The following CRYBA2 variants were observed in gnomAD, a reference collection of about 807,000 sequenced individuals.
The protein encoded by CRYBA2 is beta-crystallin A2.
In CRYBA2, 17 loss-of-function variants were observed where a neutral mutation model predicts 18.5. The ratio of observed to expected loss-of-function variants is 0.92; its 90% CI spans 0.63 to 1.38. The LOEUF is 1.38. Among genes scored for constraint, CRYBA2 ranks in the 40% most tolerant of loss-of-function variants. CRYBA2 has a pLI of 0.00. For missense variants in CRYBA2, 271 were observed against 265.0 expected (o/e 1.02, Z -0.16); for synonymous variants, 101 against 106.2 (o/e 0.95, Z 0.30).
chr2:218,992,232 A>C lies in CRYBA2; in HGVS notation c.173T>G (p.Phe58Cys), dbSNP rs747220266. Reference sequence around the variant, plus strand: ...CTGTCCCTGGAAGTCGGGGTACTCAAAGGCCACCCAACTGGAAAAGGAGAA... The same window carrying C: ...CTGTCCCTGGAAGTCGGGGTACTCACAGGCCACCCAACTGGAAAAGGAGAA... ...VKVENGVWVA[F>C]EYPDFQGQQF... The change falls in exon 2 of 4, where the codon TTT (phenylalanine) becomes TGT (cysteine). Residue 58 changes from phenylalanine (F) to cysteine (C), a missense_variant. Coordinates refer to ENST00000295728, the MANE Select transcript of CRYBA2 (RefSeq NM_057093.2). 3.1e-6 allele frequency: 5 copies of C among 1,613,304 alleles called. No individual in the cohort carries two copies. Among genetic ancestry groups the C allele is most frequent in the Non-Finnish European group, 4.2e-6 (5 of 1,179,922 alleles).
chr2:218,992,849 C>T (rs897139206), intron 1 of CRYBA2, among the ~76,000 whole-genome samples, 167 bp downstream of exon 1: 2 of 152,150 alleles, frequency 1.3e-5, no homozygotes, highest in African/African-American at 4.8e-5. Context: ...ACACAGTTTC[C>T]CATGATTTAT....
At position 218,993,388 on chromosome 2, in the gene CRYBA2, G is replaced by A; in HGVS notation, c.-212C>T. The A allele has an allele frequency of 1.8e-6, 1 of 552,892 alleles. No individual in the cohort carries two copies. Among genetic ancestry groups the A allele is most frequent in the South Asian group, 2.5e-5 (1 of 40,174 alleles). 34.2% of individuals were successfully genotyped at this position (552,892 alleles called of 1,614,324 possible). On this transcript the variant is annotated 5_prime_UTR_variant, in exon 1 of 4. Coordinates refer to ENST00000295728, the MANE Select transcript of CRYBA2 (RefSeq NM_057093.2). The surrounding 1 kb of genome is among the most constrained non-coding windows in gnomAD (Gnocchi z 7.7). The stretch of plus-strand genomic sequence containing the variant: ...GAGGGCATTCACCGGGTGGGTGAGC[G>A]CGGCACGCGAGGGAAATGGACCGGC...
Position 218,990,389 on chromosome 2 carries a change from A to G in CRYBA2, c.457T>C (p.Tyr153His), listed in dbSNP as rs375552220. ...LKVSSGAWVAYQYPGYRGYQY... is the reference protein window; with the variant it reads ...LKVSSGAWVAHQYPGYRGYQY... The stretch of plus-strand genomic sequence containing the variant: ...TAGCCTCGGTAGCCTGGGTACTGGT[A>G]GGCCACCCACCTAGGCCAGTGAGGG... The change falls in exon 4 of 4, where the codon TAC becomes CAC. Residue 153 changes from tyrosine to histidine, a missense_variant. Physicochemically the swap from Tyr to His is moderately conservative, Grantham distance 83 (BLOSUM62 2). Coordinates refer to ENST00000295728, the MANE Select transcript of CRYBA2 (RefSeq NM_057093.2). 46 of 1,614,008 alleles carry G rather than the reference A, an allele frequency of 2.9e-5. No homozygotes were observed. In the East Asian group the frequency reaches 9.1e-4, roughly 32 times the overall value.
intron 2 of CRYBA2, 73 bp from the exon 3 acceptor site, chr2:218,991,067 T>G: frequency 1.9e-6 from 3 of 1,570,982 alleles, no homozygotes; most frequent in Non-Finnish European, 2.6e-6. Flanking sequence ...TCTGCCTCAC[T>G]TCCCCCACCC....
intron 2 of CRYBA2, chr2:218,991,812 A>AG: frequency 2.4e-6 from 1 of 410,058 alleles, no homozygotes; most frequent in East Asian, 4.5e-5. Flanking sequence ...GTGACGACAG[A>AG]GGCACTCACT....
Position 218,990,419 on chromosome 2 carries a change from G to A in CRYBA2, c.447-20C>T. On this transcript the variant is annotated intron_variant, in intron 3 of 3. Coordinates refer to ENST00000295728, the MANE Select transcript of CRYBA2 (RefSeq NM_057093.2). Reference sequence around the variant, plus strand: ...ACCCACCTAGGCCAGTGAGGGTACAGAGGCAGGGAGTAAGCTCTGCCCCCA... The same window carrying A: ...ACCCACCTAGGCCAGTGAGGGTACAAAGGCAGGGAGTAAGCTCTGCCCCCA... The A allele has an allele frequency of 1.2e-6, 2 of 1,613,548 alleles. No individual in the cohort carries two copies. Among genetic ancestry groups the A allele is most frequent in the Non-Finnish European group, 1.7e-6 (2 of 1,179,886 alleles).
Position 218,993,308 on chromosome 2 carries a change from C to T in CRYBA2, c.-132G>A, listed in dbSNP as rs778770903. On this transcript the variant is annotated 5_prime_UTR_variant, in exon 1 of 4. Transcript: ENST00000295728. This position sits in a 1 kb window ranked among gnomAD's most constrained non-coding sequence, Gnocchi z 7.7. The stretch of plus-strand genomic sequence containing the variant: ...GCTGGACCCGGCCTAGCTCTGGACC[C>T]GGCTGCCAGGGGCTCGCAGTCTTCC... 5.6e-6 allele frequency: 5 copies of T among 885,222 alleles called. No homozygotes were observed. In the East Asian group the frequency reaches 8.5e-5, roughly 15 times the overall value. 54.8% of individuals were successfully genotyped at this position (885,222 alleles called of 1,614,324 possible).
intron 3 of CRYBA2, 120 bp from the exon 4 acceptor site, chr2:218,990,519 A>G: frequency 7.8e-7 from 1 of 1,274,304 alleles, no homozygotes; most frequent in Middle Eastern, 2.6e-4. Flanking sequence ...CATTGCTTCA[A>G]CTTTCCCTCC....
chr2:218,990,883 C>A lies in CRYBA2; in HGVS notation c.415G>T (p.Asp139Tyr), dbSNP rs1945489053. 1 of 1,614,152 alleles carries A rather than the reference C, an allele frequency of 6.2e-7. No individual in the cohort carries two copies. Among genetic ancestry groups the A allele is most frequent in the East Asian group, 2.2e-5 (1 of 44,878 alleles). ...SLPSMGWASKDVGSLKVSSGA... is the reference protein window; with the variant it reads ...SLPSMGWASKYVGSLKVSSGA... ...GAGCTGACTTTGAGGGAACCCACAT[C>A]CTTGCTGGCCCAGCCCATGGAGGGC... The change falls in exon 3 of 4, where the codon GAT becomes TAT. Residue 139 changes from aspartate (D) to tyrosine (Y), a missense_variant. Coordinates refer to ENST00000295728, the MANE Select transcript of CRYBA2 (RefSeq NM_057093.2).
At position 218,990,408 on chromosome 2, in the gene CRYBA2, G is replaced by T. The variant is rs1045829512; in HGVS notation, c.447-9C>A. On this transcript the variant is annotated splice_polypyrimidine_tract_variant and intron_variant, in intron 3 of 3. Coordinates refer to ENST00000295728, the MANE Select transcript of CRYBA2 (RefSeq NM_057093.2). Reference sequence around the variant, plus strand: ...ACTGGTAGGCCACCCACCTAGGCCAGTGAGGGTACAGAGGCAGGGAGTAAG... The same window carrying T: ...ACTGGTAGGCCACCCACCTAGGCCATTGAGGGTACAGAGGCAGGGAGTAAG... 2 of 1,613,926 alleles carry T rather than the reference G, an allele frequency of 1.2e-6. No homozygotes were observed. Among genetic ancestry groups the T allele is most frequent in the Non-Finnish European group, 1.7e-6 (2 of 1,179,976 alleles).
chr2:218,993,367 G>A lies in CRYBA2; in HGVS notation c.-191C>T. On this transcript the variant is annotated 5_prime_UTR_variant, in exon 1 of 4. Transcript: ENST00000295728. This position sits in a 1 kb window ranked among gnomAD's most constrained non-coding sequence, Gnocchi z 7.7. ...CCTCCCTTCCCCACCCCAGCAGAGG[G>A]CATTCACCGGGTGGGTGAGCGCGGC... 3.5e-6 allele frequency: 2 copies of A among 577,168 alleles called. No individual in the cohort carries two copies. Among genetic ancestry groups the A allele is most frequent in the Non-Finnish European group, 6.0e-6 (2 of 335,256 alleles). The allele number at this position is 577,168 out of a possible 1,614,324, so 35.8% of individuals were successfully genotyped here. A position where few individuals can be genotyped will look rare whatever the true frequency, so the allele number is the denominator to read the frequency against.
Position 218,993,155 on chromosome 2 carries a change from C to G in CRYBA2, c.22G>C (p.Gly8Arg), listed in dbSNP as rs759169595. 1.9e-6 allele frequency: 3 copies of G among 1,605,628 alleles called. No homozygotes were observed. The highest frequency in any genetic ancestry group is 1.7e-4 in the Middle Eastern group (1 of 5,932). The change falls in exon 1 of 4, where the codon GGC (glycine) becomes CGC (arginine). Residue 8 changes from glycine (G) to arginine (R), a missense_variant. Physicochemically the swap from Gly to Arg is moderately radical, Grantham distance 125. Transcript: ENST00000295728. The surrounding 1 kb of genome is among the most constrained non-coding windows in gnomAD (Gnocchi z 7.7). ...AGCGTGAGGCTGGCGGGCGCCGGGC[C>G]CGGCGCGGGGGCGCTGCTCATGCCG... Reference protein sequence around the residue: MSSAPAPGPAPASLTLWD... With the variant: MSSAPAPRPAPASLTLWD...
Position 218,990,971 on chromosome 2 carries a change from T to G in CRYBA2, c.327A>C (p.Thr109=). Residue 109 remains threonine (T), a synonymous_variant, in exon 3 of 4, where the codon ACA becomes ACC. Transcript: ENST00000295728. ...CTTGGAAGTTGTCCCCCTCAAACAG[T>G]GTCACACGGCTGTCATTGTGGTTCT... ...LCANHNDSRV[T]LFEGDNFQGC... is the part of the protein sequence containing the mutation. The G allele has an allele frequency of 6.2e-7, 1 of 1,614,042 alleles. No homozygotes were observed. The highest frequency in any genetic ancestry group is 1.1e-5 in the South Asian group (1 of 91,066).
intron 2 of CRYBA2, 189 bp downstream of exon 2, chr2:218,991,913 C>A: frequency 1.7e-6 from 1 of 598,436 alleles, no homozygotes; most frequent in Non-Finnish European, 2.9e-6. Context: ...TTCTGGGCTC[C>A]GGGCCTACGC....
rs141631259 is a variant in CRYBA2, at chr2:218,993,158, G to T, written c.19C>A (p.Pro7Thr). The T allele has an allele frequency of 3.2e-5, 52 of 1,603,270 alleles. No individual in the cohort carries two copies. Among genetic ancestry groups the T allele is most frequent in the Non-Finnish European group, 4.3e-5 (51 of 1,175,842 alleles). Residue 7 changes from proline (P) to threonine (T), a missense_variant, in exon 1 of 4, where the codon CCG becomes ACG. Coordinates refer to ENST00000295728, the MANE Select transcript of CRYBA2 (RefSeq NM_057093.2). The surrounding 1 kb of genome is among the most constrained non-coding windows in gnomAD (Gnocchi z 7.7). Reference protein sequence around the residue: MSSAPAPGPAPASLTLW... With the variant: MSSAPATGPAPASLTLW... The stretch of plus-strand genomic sequence containing the variant: ...GTGAGGCTGGCGGGCGCCGGGCCCG[G>T]CGCGGGGGCGCTGCTCATGCCGCTG...
intron 3 of CRYBA2, 106 bp downstream of exon 3, chr2:218,990,746 A>G (rs531022216): frequency 5.7e-6 from 8 of 1,411,906 alleles, no homozygotes; most frequent in Non-Finnish European, 7.8e-6. Context: ...CCAAGTCCCC[A>G]ATATCTCTCT....
In CRYBA2 at chr2:218,993,305, A is replaced by T. The variant is rs546585202; in HGVS notation, c.-129T>A. ...GGGGCTGGACCCGGCCTAGCTCTGG[A>T]CCCGGCTGCCAGGGGCTCGCAGTCT... On this transcript the variant is annotated 5_prime_UTR_variant, in exon 1 of 4. Coordinates refer to ENST00000295728, the MANE Select transcript of CRYBA2 (RefSeq NM_057093.2). The surrounding 1 kb of genome is among the most constrained non-coding windows in gnomAD (Gnocchi z 7.7). 2.4e-5 allele frequency: 22 copies of T among 918,010 alleles called. No homozygotes were observed. The East Asian group carries it at 5.1e-4, about 21-fold the overall frequency. 56.9% of individuals were successfully genotyped at this position (918,010 alleles called of 1,614,324 possible). A position where few individuals can be genotyped will look rare whatever the true frequency, so the allele number is the denominator to read the frequency against.
chr2:218,990,731 T>C (rs1945486273), intron 3 of CRYBA2, 121 bp downstream of exon 3: 1 of 1,264,878 alleles, frequency 7.9e-7, no homozygotes. Flanking sequence ...TCCCTCCCCT[T>C]GCCTCCAAGT....
chr2:218,990,783 C>G (rs1945486937), intron 3 of CRYBA2, 69 bp downstream of exon 3: 5 of 1,571,210 alleles, frequency 3.2e-6, no homozygotes, highest in Non-Finnish European at 4.3e-6. Flanking sequence ...TCACTTTTCT[C>G]CACCCTCTTC....
Sources: allele counts gnomAD v4.1 joint callset (sites outside exome capture counted in the v4.1 genomes callset), GRCh38; gene constraint gnomAD v4.1.1; non-coding constraint Gnocchi (gnomAD v3.1); transcripts MANE v1.5; gene names NCBI Gene and HGNC (gene_info 2026-07-23, HGNC 2026-07-21).